The following RYR2 variants were observed in gnomAD, a reference collection of about 807,000 sequenced individuals.
RYR2 encodes the protein cardiac muscle ryanodine receptor-calcium release channel.
In RYR2, 227 loss-of-function variants were observed where a neutral mutation model predicts 601.1. The ratio of observed to expected loss-of-function variants is 0.38; its 90% confidence interval spans 0.34 to 0.42. The LOEUF is 0.42. RYR2 is among the 10% of genes least tolerant of loss of function. The pLI is 1.00. For synonymous variants in RYR2, 2,223 were observed against 2,175.1 expected (o/e 1.02, Z -0.61); for missense variants, 4,646 against 6,156.5 (o/e 0.75, Z 8.21).
chr1:237,590,907 G>A lies in RYR2; in HGVS notation c.4075G>A (p.Val1359Ile). ...TCATGGCCATCTAGTGCCCGATCGTGTTGACAAAGACAAAGAAGCTACTAA... is the reference window on the plus strand; with the variant it reads ...TCATGGCCATCTAGTGCCCGATCGTATTGACAAAGACAAAGAAGCTACTAA... ...TAHGHLVPDR[V>I]DKDKEATKPE... Residue 1359 changes from valine to isoleucine, a missense_variant, in exon 31 of 105, where the codon GTT becomes ATT. Physicochemically the swap from Val to Ile is conservative, Grantham distance 29. Transcript: ENST00000366574. The A allele has an allele frequency of 6.2e-7, 1 of 1,613,866 alleles. No homozygotes were observed. The highest frequency in any genetic ancestry group is 1.6e-4 in the Middle Eastern group (1 of 6,062).
intron 46 of RYR2, among the ~76,000 whole-genome samples, chr1:237,639,511 C>A (rs1179379473): frequency 6.6e-6 from 1 of 152,014 alleles, no homozygotes; most frequent in Non-Finnish European, 1.5e-5. Flanking sequence ...ACGAAGTGAA[C>A]CTTTGGGGTT....
chr1:237,498,604 A>G (rs1299396225), intron 20 of RYR2, among the ~76,000 whole-genome samples: 3 of 152,008 alleles, frequency 2.0e-5, no homozygotes, highest in African/African-American at 7.2e-5. Flanking sequence ...CGACAATGCC[A>G]AGTTGCTTTC....
chr1:237,404,389 A>C (rs1313396143), intron 10 of RYR2, among the ~76,000 whole-genome samples: 3 of 152,232 alleles, frequency 2.0e-5, no homozygotes, highest in African/African-American at 7.2e-5. Flanking sequence ...ATCCTGTTAT[A>C]ATAAGCCAAG....
At chr1:237,414,841 C>T (rs976041467) in intron 10 of RYR2, among the ~76,000 whole-genome samples, 3 of 152,130 alleles carry the variant, frequency 2.0e-5, no homozygotes, top group Non-Finnish European at 2.9e-5. Flanking sequence ...GCCTAGAGGA[C>T]GTATGTTAAG....
intron 10 of RYR2, among the ~76,000 whole-genome samples, chr1:237,408,922 T>G (rs747588953): frequency 4.2e-5 from 6 of 143,270 alleles, no homozygotes; most frequent in Non-Finnish European, 6.1e-5. Context: ...TTTCAGCATT[T>G]AATTTTTTGG....
At chr1:237,284,046 G>C (rs796920049) in intron 2 of RYR2, among the ~76,000 whole-genome samples, 2 of 152,134 alleles carry the variant, frequency 1.3e-5, no homozygotes, top group Non-Finnish European at 2.9e-5. Flanking sequence ...GAGGACATAC[G>C]ATGTTTGGTT....
At chr1:237,065,269 C>CTTT (rs766039441) in intron 1 of RYR2, among the ~76,000 whole-genome samples, 971 of 77,352 alleles carry the variant, frequency 0.013, 112 homozygotes, top group African/African-American at 0.015. Flanking sequence ...GTGTGCTATC[C>CTTT]TTTTTTTTTT....
intron 1 of RYR2, among the ~76,000 whole-genome samples, chr1:237,263,409 A>C (rs1688733207): frequency 6.6e-6 from 1 of 152,218 alleles, no homozygotes; most frequent in Admixed American, 6.5e-5. Flanking sequence ...TCCTGCTCTC[A>C]CACAGATCCT....
At chr1:237,648,361 T>C in intron 48 of RYR2, 83 bp from the exon 49 acceptor site, 2 of 1,181,400 alleles carry the variant, frequency 1.7e-6, no homozygotes, top group Non-Finnish European at 1.1e-6. Context: ...GTTTAAAATG[T>C]AAGAAGTCTA....
chr1:237,822,446 G>T (rs1329662597), intron 101 of RYR2, among the ~76,000 whole-genome samples: 1 of 152,048 alleles, frequency 6.6e-6, no homozygotes, highest in African/African-American at 2.4e-5. Context: ...AAAAGCGAAG[G>T]AGTAATAAAA....
chr1:237,110,953 A>G, intron 1 of RYR2, among the ~76,000 whole-genome samples: 1 of 152,184 alleles, frequency 6.6e-6, no homozygotes, highest in East Asian at 1.9e-4. Flanking sequence ...AGACTCAAGA[A>G]TTCAATGACA....
At chr1:237,726,677 G>A (rs935775781) in intron 75 of RYR2, among the ~76,000 whole-genome samples, 7 of 151,978 alleles carry the variant, frequency 4.6e-5, no homozygotes, top group African/African-American at 1.7e-4. Context: ...ATATGAATAA[G>A]AATGAGGTAA....
intron 16 of RYR2, among the ~76,000 whole-genome samples, chr1:237,456,988 C>T (rs969615550): frequency 3.3e-5 from 5 of 152,028 alleles, no homozygotes; most frequent in African/African-American, 1.2e-4. Flanking sequence ...TAACATGCCT[C>T]CTAATTGAGA....
intron 3 of RYR2, among the ~76,000 whole-genome samples, chr1:237,332,455 T>A (rs1696841344): frequency 6.6e-6 from 1 of 152,132 alleles, no homozygotes; most frequent in East Asian, 1.9e-4. Context: ...CTTTTAAAAA[T>A]TTCTATTCTT....
Position 237,081,334 on chromosome 1 carries a change from C to T in RYR2, c.48+38765C>T, listed in dbSNP as rs530410976. On this transcript the variant is annotated intron_variant, in intron 1 of 104. Transcript: ENST00000366574. ...TCAACAAAGGTCTGAGCTACGGACT[C>T]GATGTACCTACATTTGCTTTGGTTC... Among the ~76,000 whole-genome samples, 8 of 149,512 alleles carry T rather than the reference C, an allele frequency of 5.4e-5. No individual in the cohort carries two copies. In the East Asian group the frequency reaches 1.4e-3, roughly 26 times the overall value.
At chr1:237,072,372 G>A (rs1253569066) in intron 1 of RYR2, among the ~76,000 whole-genome samples, 18 of 152,196 alleles carry the variant, frequency 1.2e-4, no homozygotes, top group Non-Finnish European at 2.5e-4. Flanking sequence ...GATCAGGGTC[G>A]GCTTCCAGGC....
chr1:237,057,477 G>A (rs997603895), intron 1 of RYR2, among the ~76,000 whole-genome samples: 5 of 152,114 alleles, frequency 3.3e-5, no homozygotes, highest in Admixed American at 1.3e-4. Flanking sequence ...GAGCCACCGC[G>A]CCTGGCCCTG....
At chr1:237,385,274 A>T (rs1701877367) in intron 8 of RYR2, among the ~76,000 whole-genome samples, 1 of 152,234 alleles carries the variant, frequency 6.6e-6, no homozygotes, top group South Asian at 2.1e-4. Context: ...TATATATTTT[A>T]CATATGCATA....
At chr1:237,798,313 A>T in intron 97 of RYR2, 143 bp downstream of exon 97, 1 of 703,560 alleles carries the variant, frequency 1.4e-6, no homozygotes, top group Non-Finnish European at 2.2e-6. Flanking sequence ...TATAAAGTCT[A>T]CTTTTACACT....
Sources: allele counts gnomAD v4.1 joint callset (sites outside exome capture counted in the v4.1 genomes callset), GRCh38; gene constraint gnomAD v4.1.1; transcripts MANE v1.5; gene names NCBI Gene and HGNC (gene_info 2026-07-23, HGNC 2026-07-21).